Variants in SLIT3 observed in about 807,000 individuals in gnomAD.
SLIT3 encodes slit guidance ligand 3, also known as slit homolog 3 protein.
In SLIT3, 68 loss-of-function variants were observed where a neutral mutation model predicts 184.0. The observed-to-expected ratio is 0.37, with a 90% CI of 0.30 to 0.45. The LOEUF (loss-of-function observed/expected upper bound fraction) is 0.45. Among genes scored for constraint, SLIT3 ranks in the 20% least tolerant of loss-of-function variants. The probability of loss-of-function intolerance (pLI) is 1.00; values close to 1 mark genes in which losing one functional copy is unlikely to be tolerated. For missense variants in SLIT3, 1,707 were observed against 2,026.0 expected, an observed-to-expected ratio of 0.84 and a Z score of 3.02; for synonymous variants, 831 against 828.6, an observed-to-expected ratio of 1.00 and a Z score of -0.05.
At chr5:168,856,806 T>TGCGC (rs61149576) in intron 5 of SLIT3, among the ~76,000 whole-genome samples, 1,379 of 137,776 alleles carry the variant, frequency 0.01, 17 homozygotes, top group African/African-American at 0.027. Context: ...TGTGTGTGTG[T>TGCGC]GCGCGCGCGC....
At chr5:169,158,728 TTAAC>T (rs1380941591) in intron 4 of SLIT3, among the ~76,000 whole-genome samples, 4 of 152,162 alleles carry the variant, frequency 2.6e-5, no homozygotes, top group African/African-American at 9.7e-5. Context: ...ACACTTCAGT[TTAAC>T]TAGTAAATTG....
chr5:169,225,733 G>A (rs1028630351), intron 3 of SLIT3, among the ~76,000 whole-genome samples: 4 of 152,216 alleles, frequency 2.6e-5, no homozygotes, highest in African/African-American at 9.6e-5. Flanking sequence ...GGCAGGGGGT[G>A]ATTTCCCAAT....
At chr5:169,121,465 C>G (rs575494012) in intron 4 of SLIT3, among the ~76,000 whole-genome samples, 231 of 152,242 alleles carry the variant, frequency 1.5e-3, no homozygotes, top group African/African-American at 5.3e-3. Flanking sequence ...CCTGCCTGTC[C>G]TAAGTATTTA....
At chr5:169,128,939 T>C (rs906326586) in intron 4 of SLIT3, among the ~76,000 whole-genome samples, 14 of 152,074 alleles carry the variant, frequency 9.2e-5, no homozygotes, top group Admixed American at 9.2e-4. Flanking sequence ...AAATAAGAGA[T>C]GACTTTTGAA....
chr5:169,076,134 T>A (rs1398720595), intron 4 of SLIT3, among the ~76,000 whole-genome samples: 2 of 152,214 alleles, frequency 1.3e-5, no homozygotes, highest in Non-Finnish European at 2.9e-5. Context: ...ATGGGCCTGG[T>A]GGTGACTCCT....
intron 4 of SLIT3, among the ~76,000 whole-genome samples, chr5:169,034,359 C>T (rs1323230480): frequency 2.3e-4 from 35 of 152,150 alleles, no homozygotes; most frequent in Admixed American, 2.3e-3. Flanking sequence ...CCCGTGTTCT[C>T]TTCTAGGAGT....
At chr5:168,695,337 G>A (rs1173251680) in intron 28 of SLIT3, among the ~76,000 whole-genome samples, 1 of 152,202 alleles carries the variant, frequency 6.6e-6, no homozygotes, top group Non-Finnish European at 1.5e-5. Flanking sequence ...CGAGGATGGG[G>A]AAAGGGGAAG....
intron 4 of SLIT3, among the ~76,000 whole-genome samples, chr5:169,134,523 C>G (rs1561687554): frequency 1.3e-5 from 2 of 152,188 alleles, no homozygotes. Flanking sequence ...ACTGTGCATC[C>G]TCAGGGACAC....
intron 1 of SLIT3, among the ~76,000 whole-genome samples, chr5:169,279,295 T>C (rs1766917623): frequency 6.6e-6 from 1 of 152,170 alleles, no homozygotes; most frequent in East Asian, 1.9e-4. Context: ...CCTGCAGGTG[T>C]GTGTAGAATA....
chr5:169,168,492 A>G (rs1271137019), intron 4 of SLIT3, among the ~76,000 whole-genome samples: 1 of 152,216 alleles, frequency 6.6e-6, no homozygotes, highest in Non-Finnish European at 1.5e-5. Context: ...GTTTACTGAG[A>G]CAGTGTTAAT....
At chr5:169,104,649 G>C (rs1250301500) in intron 4 of SLIT3, among the ~76,000 whole-genome samples, 1 of 152,098 alleles carries the variant, frequency 6.6e-6, no homozygotes, top group Non-Finnish European at 1.5e-5. Flanking sequence ...ATCTTCTCCT[G>C]GTCATGAGCT....
intron 4 of SLIT3, among the ~76,000 whole-genome samples, chr5:169,150,101 G>A (rs1762064226): frequency 6.6e-6 from 1 of 152,104 alleles, no homozygotes; most frequent in South Asian, 2.1e-4. Flanking sequence ...ATGGGCAATT[G>A]GATATTATAA....
intron 4 of SLIT3, among the ~76,000 whole-genome samples, chr5:169,086,413 G>T (rs1341663931): frequency 1.3e-5 from 2 of 152,148 alleles, no homozygotes; most frequent in African/African-American, 4.8e-5. Flanking sequence ...CATGTGTTCT[G>T]GAAATATAAC....
chr5:169,015,948 A>G (rs989509208), intron 4 of SLIT3, among the ~76,000 whole-genome samples: 1 of 123,734 alleles, frequency 8.1e-6, no homozygotes, highest in African/African-American at 3.8e-5. Context: ...ACACACACAC[A>G]CACACACACA....
intron 4 of SLIT3, among the ~76,000 whole-genome samples, chr5:169,027,273 G>C (rs74636600): frequency 0.052 from 7,948 of 152,226 alleles, 264 homozygotes; most frequent in South Asian, 0.081. Context: ...TTCCTACCAA[G>C]GGCTTGGAGA....
intron 3 of SLIT3, among the ~76,000 whole-genome samples, chr5:169,235,499 A>C (rs1478885530): frequency 6.6e-6 from 1 of 152,244 alleles, no homozygotes; most frequent in Non-Finnish European, 1.5e-5. Context: ...CATCTTATAT[A>C]ATACAGTTGT....
intron 4 of SLIT3, among the ~76,000 whole-genome samples, chr5:169,145,107 T>G (rs769514297): frequency 4.0e-4 from 61 of 152,152 alleles, no homozygotes; most frequent in Non-Finnish European, 7.3e-4. Flanking sequence ...TTGTTCAAGG[T>G]GCATCATCAG....
At chr5:168,720,725 A>G (rs537970529) in intron 23 of SLIT3, 1 of 152,334 alleles carries the variant, frequency 6.6e-6, no homozygotes, top group East Asian at 1.9e-4. Flanking sequence ...ATAATAAATA[A>G]GTGACAATAA....
At chr5:168,683,836 C>A in intron 32 of SLIT3, 130 bp downstream of exon 32, 2 of 815,212 alleles carry the variant, frequency 2.5e-6, no homozygotes, top group Admixed American at 3.5e-5. Context: ...TGTGTGTGCG[C>A]ACATGTGCGT....
Sources: gnomAD v4.1 joint callset for allele counts (sites outside exome capture counted in the v4.1 genomes callset) on GRCh38, gnomAD v4.1.1 for gene constraint, MANE v1.5 for transcripts, NCBI Gene and HGNC (gene_info 2026-07-23, HGNC 2026-07-21) for gene names.